The following FBXO28 variants were observed in gnomAD, a reference collection of about 807,000 sequenced individuals.
FBXO28 encodes the protein F-box protein 28.
FBXO28 carries 8 observed loss-of-function variants against 38.1 expected under a neutral mutation model. The ratio of observed to expected loss-of-function variants is 0.21; its 90% CI spans 0.12 to 0.38. The LOEUF (loss-of-function observed/expected upper bound fraction) is 0.38. Ranked by LOEUF, FBXO28 falls within the 10% of genes least tolerant of loss-of-function variation. The pLI, the probability that FBXO28 is intolerant of heterozygous loss-of-function variation, is 1.00. For missense variants in FBXO28, 345 were observed against 460.6 expected, an observed-to-expected ratio of 0.75 and a Z score of 2.30; for synonymous variants, 168 against 173.8, an observed-to-expected ratio of 0.97 and a Z score of 0.26.
At chr1:224,119,085 G>A (rs1046657221) in intron 1 of FBXO28, among the ~76,000 whole-genome samples, 16 of 148,502 alleles carry the variant, frequency 1.1e-4, no homozygotes, top group African/African-American at 4.0e-4. Flanking sequence ...CCACTGCTCT[G>A]TATTGCTCTA....
intron 3 of FBXO28, among the ~76,000 whole-genome samples, chr1:224,148,584 C>G (rs1198032414): frequency 6.6e-6 from 1 of 151,848 alleles, no homozygotes; most frequent in Non-Finnish European, 1.5e-5. Context: ...ATGTCGTGAA[C>G]CTGGGAGGCA....
At chr1:224,154,427 T>C (rs1274146552) in intron 4 of FBXO28, among the ~76,000 whole-genome samples, 1 of 152,044 alleles carries the variant, frequency 6.6e-6, no homozygotes, top group South Asian at 2.1e-4. Context: ...TCCCAGAACT[T>C]TGGGAGGCCG....
At chr1:224,146,690 T>C (rs566543633) in intron 3 of FBXO28, among the ~76,000 whole-genome samples, 2 of 144,698 alleles carry the variant, frequency 1.4e-5, no homozygotes, top group East Asian at 2.1e-4. Context: ...ACTGTACTTT[T>C]ATAAAACTAA....
chr1:224,142,923 G>T (rs906495579), intron 3 of FBXO28, among the ~76,000 whole-genome samples: 13 of 152,000 alleles, frequency 8.6e-5, no homozygotes, highest in Non-Finnish European at 1.3e-4. Context: ...TCCAGCCTGG[G>T]GGACAGAAAG....
At chr1:224,150,959 T>G (rs1657627967) in intron 3 of FBXO28, among the ~76,000 whole-genome samples, 1 of 152,170 alleles carries the variant, frequency 6.6e-6, no homozygotes, top group Admixed American at 6.6e-5. Context: ...AACTCAATAC[T>G]TGAATAATGT....
At chr1:224,120,731 C>T (rs563272599) in intron 1 of FBXO28, among the ~76,000 whole-genome samples, 28 of 152,046 alleles carry the variant, frequency 1.8e-4, no homozygotes, top group African/African-American at 6.5e-4. Context: ...GGCATGGTGG[C>T]GGGCACTTGT....
intron 1 of FBXO28, among the ~76,000 whole-genome samples, chr1:224,128,283 G>T (rs894539503): frequency 6.7e-6 from 1 of 149,264 alleles, no homozygotes; most frequent in Admixed American, 6.8e-5. Flanking sequence ...TCCATGTCTT[G>T]TACTGCAACG....
intron 3 of FBXO28, among the ~76,000 whole-genome samples, chr1:224,147,146 C>T (rs569111406): frequency 2.4e-4 from 37 of 151,780 alleles, no homozygotes; most frequent in South Asian, 2.3e-3. Flanking sequence ...AAACAATTGC[C>T]GGATGCGGTG....
chr1:224,150,757 G>C lies in FBXO28; in HGVS notation c.517-2385G>C, dbSNP rs569185812. ...TCAGTCTTACCTTACAAATGGCAAA[G>C]AATCCTTTCCCAACCACCCATCTCA... On this transcript the variant is annotated intron_variant, in intron 3 of 4. Transcript: ENST00000366862. Among the ~76,000 whole-genome samples the C allele has an allele frequency of 4.6e-5, 7 of 152,196 alleles. No homozygotes were observed. In the South Asian group the frequency reaches 1.5e-3, roughly 32 times the overall value.
chr1:224,116,995 G>A (rs1656656747), intron 1 of FBXO28, among the ~76,000 whole-genome samples: 1 of 151,958 alleles, frequency 6.6e-6, no homozygotes, highest in Admixed American at 6.6e-5. Flanking sequence ...CCAACATGGT[G>A]AAACCCCATC....
In FBXO28 at chr1:224,130,460, T is replaced by G. The variant is rs1264568344; in HGVS notation, c.268-12T>G. On this transcript the variant is annotated splice_polypyrimidine_tract_variant and intron_variant, in intron 1 of 4. Coordinates refer to ENST00000366862, the MANE Select transcript of FBXO28 (RefSeq NM_015176.4). ...TTTGGTTATTGATTTTTGTTCTTTT[T>G]TCTCCTTGAAGGTTTGTAAAAGAAT... is the stretch of plus-strand genomic sequence containing the variant. 1 of 1,595,956 alleles carries G rather than the reference T, an allele frequency of 6.3e-7. No individual in the cohort carries two copies.
Position 224,148,864 on chromosome 1 carries a change from A to C in FBXO28, c.517-4278A>C, listed in dbSNP as rs146097183. ...CCTTACCTGTTGAAATTTACTTACT[A>C]ATGTCCTTCATTAGACCTACCCAGT... On this transcript the variant is annotated intron_variant, in intron 3 of 4. Transcript: ENST00000366862. Among the ~76,000 whole-genome samples, 8 of 152,086 alleles carry C rather than the reference A, an allele frequency of 5.3e-5. No homozygotes were observed. The East Asian group carries it at 5.8e-4, about 11-fold the overall frequency.
chr1:224,131,611 T>A (rs905430565), intron 2 of FBXO28, among the ~76,000 whole-genome samples: 1 of 152,152 alleles, frequency 6.6e-6, no homozygotes, highest in African/African-American at 2.4e-5. Context: ...GGACAACTAG[T>A]TATCTTGAAA....
chr1:224,134,007 G>C, intron 2 of FBXO28, 67 bp from the exon 3 acceptor site: 5 of 1,190,114 alleles, frequency 4.2e-6, no homozygotes, highest in Non-Finnish European at 5.6e-6. Flanking sequence ...CATCTTGATT[G>C]CTTAATATTT....
intron 3 of FBXO28, among the ~76,000 whole-genome samples, chr1:224,135,632 A>G (rs1211718474): frequency 5.8e-5 from 7 of 121,132 alleles, no homozygotes; most frequent in East Asian, 2.4e-4. Flanking sequence ...AAAAAAAAAA[A>G]AAAGAAAAAG....
Position 224,157,388 on chromosome 1 carries a change from T to A in FBXO28, c.749T>A (p.Leu250His). Reference protein sequence around the residue: ...GPSAALTTMQLFSKQNPSRQE... With the variant: ...GPSAALTTMQHFSKQNPSRQE... Reference sequence around the variant, plus strand: ...TCTGCAGCCCTAACAACAATGCAGCTCTTCTCCAAGCAAAATCCTTCAAGA... The same window carrying A: ...TCTGCAGCCCTAACAACAATGCAGCACTTCTCCAAGCAAAATCCTTCAAGA... The change falls in exon 5 of 5, where the codon CTC becomes CAC. Residue 250 changes from leucine to histidine, a missense_variant. Transcript: ENST00000366862. The A allele has an allele frequency of 6.2e-7, 1 of 1,613,948 alleles. No homozygotes were observed. Among genetic ancestry groups the A allele is most frequent in the Non-Finnish European group, 8.5e-7 (1 of 1,179,926 alleles).
intron 3 of FBXO28, among the ~76,000 whole-genome samples, chr1:224,144,689 G>T (rs1657454878): frequency 6.6e-6 from 1 of 151,854 alleles, no homozygotes; most frequent in Non-Finnish European, 1.5e-5. Flanking sequence ...TCTGGGAGGT[G>T]GGGGTTGCAG....
At chr1:224,142,076 G>C (rs1006131421) in intron 3 of FBXO28, among the ~76,000 whole-genome samples, 1 of 151,492 alleles carries the variant, frequency 6.6e-6, no homozygotes, top group Non-Finnish European at 1.5e-5. Flanking sequence ...TTGGGGCCAG[G>C]CATGGTGGCT....
chr1:224,123,971 G>A (rs116179162), intron 1 of FBXO28, among the ~76,000 whole-genome samples: 2,115 of 152,202 alleles, frequency 0.014, 55 homozygotes, highest in African/African-American at 0.048. Context: ...TTAGCCGGGC[G>A]TGGTGGGAGG....
Sources: allele counts gnomAD v4.1 joint callset (sites outside exome capture counted in the v4.1 genomes callset), GRCh38; gene constraint gnomAD v4.1.1; transcripts MANE v1.5; gene names NCBI Gene and HGNC (gene_info 2026-07-23, HGNC 2026-07-21).